Variants in PBRM1 observed in about 807,000 individuals in gnomAD.
The protein encoded by PBRM1 is polybromo 1.
A neutral mutation model predicts 194.5 loss-of-function variants in PBRM1; 27 were observed. The observed-to-expected ratio is 0.14, with a 90% CI of 0.10 to 0.19. The LOEUF is 0.19. PBRM1 is among the 10% of genes least tolerant of loss of function. The pLI, the probability that PBRM1 is intolerant of heterozygous loss-of-function variation, is 1.00. For missense variants in PBRM1, 1,466 were observed against 2,077.2 expected (o/e 0.71, Z 5.72); for synonymous variants, 655 against 693.2 (o/e 0.94, Z 0.87).
At chr3:52,572,990 A>G (rs2087949076) in intron 22 of PBRM1, among the ~76,000 whole-genome samples, 2 of 152,214 alleles carry the variant, frequency 1.3e-5, no homozygotes, top group Non-Finnish European at 2.9e-5. Flanking sequence ...TGATTACTAG[A>G]TGCATTTTCT....
chr3:52,568,825 A>G (rs2086144813), intron 22 of PBRM1, among the ~76,000 whole-genome samples: 2 of 152,186 alleles, frequency 1.3e-5, no homozygotes, highest in African/African-American at 2.4e-5. Flanking sequence ...TAGTGCTATA[A>G]TGTTTTAATA....
At chr3:52,616,987 T>C (rs954266882) in intron 14 of PBRM1, among the ~76,000 whole-genome samples, 7 of 152,192 alleles carry the variant, frequency 4.6e-5, no homozygotes, top group African/African-American at 9.7e-5. Flanking sequence ...CCCTAATTTA[T>C]AGATGAAGAA....
intron 26 of PBRM1, 30 bp downstream of exon 28, chr3:52,558,219 G>A: frequency 6.8e-7 from 1 of 1,460,536 alleles, no homozygotes; most frequent in Non-Finnish European, 9.1e-7. Context: ...TCTTAAAGTG[G>A]AAAAAAATGG....
chr3:52,607,590 C>T (rs2094412882), intron 16 of PBRM1, among the ~76,000 whole-genome samples: 1 of 152,100 alleles, frequency 6.6e-6, no homozygotes, highest in Non-Finnish European at 1.5e-5. Flanking sequence ...TGTAATGGGG[C>T]TAAGCAGGGA....
In PBRM1 at chr3:52,566,037, G is replaced by A. The variant is rs189825441; in HGVS notation, c.3692-1804C>T. ...TGCACTCCAGCCTGGGCGAAAGAGC[G>A]AGACTCTGTCTCAAAACAAAACAAA... On this transcript the variant is annotated intron_variant, in intron 22 of 29. Transcript: ENST00000296302. 5.3e-3 allele frequency among the ~76,000 whole-genome samples: 788 copies of A among 149,914 alleles called. 8 individuals carry two copies. Among genetic ancestry groups the A allele is most frequent in the African/African-American group, 0.018 (748 of 41,256 alleles).
intron 22 of PBRM1, among the ~76,000 whole-genome samples, chr3:52,565,068 G>A (rs750713648): frequency 6.6e-6 from 1 of 151,498 alleles, no homozygotes; most frequent in Non-Finnish European, 1.5e-5. Context: ...GCGTGGTGGC[G>A]TGCACCTGTA....
intron 13 of PBRM1, among the ~76,000 whole-genome samples, chr3:52,626,255 C>T (rs1048969166): frequency 6.6e-6 from 1 of 152,108 alleles, no homozygotes; most frequent in South Asian, 2.1e-4. Context: ...AATTCATAGG[C>T]CAGTAATGGA....
chr3:52,554,982 T>A, intron 26 of PBRM1, 103 bp from the exon 29 acceptor site: 1 of 827,500 alleles, frequency 1.2e-6, no homozygotes, highest in South Asian at 1.7e-5. Context: ...TAAAGCACCC[T>A]TAGTACTGCA....
intron 6 of PBRM1, among the ~76,000 whole-genome samples, chr3:52,649,100 G>T (rs1426701627): frequency 6.6e-6 from 1 of 152,202 alleles, no homozygotes; most frequent in African/African-American, 2.4e-5. Context: ...GAAATGGAAG[G>T]TGGAGAAGGG....
At chr3:52,685,513 G>A (rs1404787462) in intron 1 of PBRM1, 1 of 151,972 alleles carries the variant, frequency 6.6e-6, no homozygotes, top group African/African-American at 2.4e-5. Flanking sequence ...AGAGGAGCGC[G>A]GGGAGTTTCC....
intron 11 of PBRM1, among the ~76,000 whole-genome samples, chr3:52,629,936 T>C (rs935721639): frequency 1.1e-4 from 16 of 152,198 alleles, no homozygotes; most frequent in African/African-American, 3.6e-4. Context: ...ATATTCAGAT[T>C]CTGTGTTGTG....
At chr3:52,587,537 GA>G (rs751264508) in intron 18 of PBRM1, 27 bp from the exon 21 acceptor site, 2 of 1,497,372 alleles carry the variant, frequency 1.3e-6, no homozygotes, top group Admixed American at 2.1e-5. Flanking sequence ...GGGGGAAGGG[GA>G]AGAGAAAGAG....
intron 17 of PBRM1, among the ~76,000 whole-genome samples, chr3:52,594,355 G>A (rs2093376438): frequency 6.6e-6 from 1 of 151,996 alleles, no homozygotes; most frequent in Admixed American, 6.6e-5. Context: ...TTTGGTCTTT[G>A]TTGGTTTAAA....
chr3:52,564,981 C>G (rs114511095), intron 22 of PBRM1, among the ~76,000 whole-genome samples: 2 of 152,028 alleles, frequency 1.3e-5, no homozygotes, highest in Non-Finnish European at 2.9e-5. Flanking sequence ...AGCAGAAACA[C>G]GAGGTCAAGA....
chr3:52,573,294 T>TC (rs2088105667), intron 22 of PBRM1, among the ~76,000 whole-genome samples: 1 of 152,060 alleles, frequency 6.6e-6, no homozygotes, highest in East Asian at 1.9e-4. Context: ...TTCTTTCTTT[T>TC]TTTTTTTTGT....
chr3:52,657,401 A>G (rs1168097478), intron 5 of PBRM1, among the ~76,000 whole-genome samples: 2 of 152,230 alleles, frequency 1.3e-5, no homozygotes, highest in Non-Finnish European at 2.9e-5. Context: ...CTGATCATGT[A>G]AAATGATAGA....
intron 13 of PBRM1, among the ~76,000 whole-genome samples, chr3:52,620,786 T>C (rs1292002467): frequency 6.6e-6 from 1 of 152,224 alleles, no homozygotes; most frequent in Admixed American, 6.5e-5. Flanking sequence ...CTTTCTCCAT[T>C]TGTATCATTT....
chr3:52,644,023 A>T (rs2153725821), intron 8 of PBRM1, among the ~76,000 whole-genome samples: 2 of 152,022 alleles, frequency 1.3e-5, no homozygotes, highest in Middle Eastern at 6.8e-3. Context: ...ATGAGACTGG[A>T]TCTCCTGATA....
chr3:52,675,564 T>A (rs927758512), intron 2 of PBRM1, among the ~76,000 whole-genome samples: 1 of 152,228 alleles, frequency 6.6e-6, no homozygotes, highest in Admixed American at 6.5e-5. Context: ...GTGGTGAAAG[T>A]GGGCATCTCT....
Sources: gnomAD v4.1 joint callset for allele counts (sites outside exome capture counted in the v4.1 genomes callset) on GRCh38, gnomAD v4.1.1 for gene constraint, MANE v1.5 for transcripts, NCBI Gene and HGNC (gene_info 2026-07-23, HGNC 2026-07-21) for gene names.